The following DNAH12 variants were observed in gnomAD, a reference collection of about 807,000 sequenced individuals.
DNAH12 encodes axonemal beta dynein heavy chain 12.
A neutral mutation model predicts 371.5 loss-of-function variants in DNAH12; 285 were observed. The ratio of observed to expected loss-of-function variants is 0.77; its 90% CI spans 0.70 to 0.85. DNAH12 has a LOEUF of 0.85. Ranked by LOEUF, DNAH12 falls within the 40% of genes least tolerant of loss-of-function variation. The pLI is 0.00. For missense variants in DNAH12, 3,611 were observed against 3,689.4 expected (o/e 0.98, Z 0.55); for synonymous variants, 1,200 against 1,213.0 (o/e 0.99, Z 0.22).
chr3:57,374,246 A>T (rs1051174130), intron 55 of DNAH12, among the ~76,000 whole-genome samples: 6 of 152,178 alleles, frequency 3.9e-5, no homozygotes, highest in Non-Finnish European at 1.5e-5. Flanking sequence ...CATCTATAAA[A>T]TGGGATAATA....
chr3:57,421,711 T>C lies in DNAH12; in HGVS notation c.5374-5A>G, dbSNP rs1413266959. The C allele has an allele frequency of 6.4e-7, 1 of 1,551,356 alleles. No homozygotes were observed. The highest frequency in any genetic ancestry group is 1.4e-5 in the African/African-American group (1 of 72,986). Reference sequence around the variant, plus strand: ...CAAAGAGAATATAAAGCAAGCCTGTTGGTGGAGAAAAAATTTAACTTATAG... The same window carrying C: ...CAAAGAGAATATAAAGCAAGCCTGTCGGTGGAGAAAAAATTTAACTTATAG... On this transcript the variant is annotated splice_region_variant and splice_polypyrimidine_tract_variant and intron_variant, in intron 35 of 73. Transcript: ENST00000495027.
rs141291159 is a variant in DNAH12, at chr3:57,499,763, G to A, written c.1335+1558C>T. Reference sequence around the variant, plus strand: ...CTGAAGTGGAGGACTGCTTGAACCCGGGAGGTTAAGGCTGTAGTGAGCCAT... The same window carrying A: ...CTGAAGTGGAGGACTGCTTGAACCCAGGAGGTTAAGGCTGTAGTGAGCCAT... On this transcript the variant is annotated intron_variant, in intron 11 of 73. Transcript: ENST00000495027. Among the ~76,000 whole-genome samples the A allele has an allele frequency of 9.3e-3, 1,356 of 145,804 alleles. 28 individuals carry two copies. Among genetic ancestry groups the A allele is most frequent in the African/African-American group, 0.032 (1,258 of 39,662 alleles).
At chr3:57,352,453 A>G (rs1223286220) in intron 59 of DNAH12, among the ~76,000 whole-genome samples, 1 of 152,166 alleles carries the variant, frequency 6.6e-6, no homozygotes, top group African/African-American at 2.4e-5. Flanking sequence ...CTGGAGAAAC[A>G]AGATGAAGGG....
At chr3:57,338,014 T>C (rs1217117752) in intron 60 of DNAH12, among the ~76,000 whole-genome samples, 6 of 152,164 alleles carry the variant, frequency 3.9e-5, no homozygotes, top group Admixed American at 6.5e-5. Flanking sequence ...GCTCTCCCTC[T>C]CTCTCTCTTC....
intron 2 of DNAH12, among the ~76,000 whole-genome samples, chr3:57,534,357 G>A (rs149668530): frequency 1.6e-4 from 25 of 152,190 alleles, no homozygotes; most frequent in African/African-American, 5.5e-4. Flanking sequence ...TCTTATGAAG[G>A]TGTTTTTTTG....
chr3:57,433,273 A>G, intron 32 of DNAH12, 94 bp downstream of exon 32: 2 of 1,343,776 alleles, frequency 1.5e-6, no homozygotes, highest in Non-Finnish European at 9.6e-7. Flanking sequence ...TTATTTTTGC[A>G]TCCTTTATTT....
At chr3:57,359,564 AAAAAAAAAAAAAAAAAG>A (rs2062875991) in intron 58 of DNAH12, among the ~76,000 whole-genome samples, 2 of 150,314 alleles carry the variant, frequency 1.3e-5, no homozygotes, top group Admixed American at 1.3e-4. Context: ...CATCTCAAAA[AAAAAAAAAAAAAAAAAG>A]AAAGAAAGAA....
At position 57,322,987 on chromosome 3, in the gene DNAH12, C is replaced by G. The variant is rs141414840; in HGVS notation, c.10383+20G>C. 5.1e-4 allele frequency: 795 copies of G among 1,550,260 alleles called. 3 individuals carry two copies. The African/African-American group carries it at 9.5e-3, about 19-fold the overall frequency. On this transcript the variant is annotated intron_variant, in intron 64 of 73. Coordinates refer to ENST00000495027, the MANE Select transcript of DNAH12 (RefSeq NM_001366028.2). ...GATAGCTAAGTAAATGTACTTAACT[C>G]TATAAGGAAATAAACATACTTTTGA... is the stretch of plus-strand genomic sequence containing the variant.
intron 13 of DNAH12, among the ~76,000 whole-genome samples, chr3:57,472,922 T>C (rs1444746850): frequency 6.6e-6 from 1 of 152,170 alleles, no homozygotes; most frequent in African/African-American, 2.4e-5. Flanking sequence ...TCACTTACAG[T>C]TGATTTAGCA....
chr3:57,405,202 A>C, intron 41 of DNAH12, 55 bp from the exon 42 acceptor site: 1 of 1,436,350 alleles, frequency 7.0e-7, no homozygotes, highest in Non-Finnish European at 9.2e-7. Context: ...AAATAAATTT[A>C]AGAAAACAAA....
intron 69 of DNAH12, among the ~76,000 whole-genome samples, chr3:57,306,053 C>G (rs2061463112): frequency 6.6e-6 from 1 of 152,140 alleles, no homozygotes; most frequent in Non-Finnish European, 1.5e-5. Context: ...GAAAATCGGA[C>G]CGTTCAACTC....
chr3:57,404,860 T>A, intron 42 of DNAH12, 109 bp downstream of exon 42: 1 of 1,017,086 alleles, frequency 9.8e-7, no homozygotes, highest in Non-Finnish European at 1.3e-6. Flanking sequence ...GGATAATGGG[T>A]ACAAAGTCAT....
chr3:57,504,511 G>A (rs2067679372), intron 8 of DNAH12, among the ~76,000 whole-genome samples: 1 of 152,096 alleles, frequency 6.6e-6, no homozygotes, highest in Admixed American at 6.5e-5. Flanking sequence ...CCTGGGCTCA[G>A]GCAATCCTCC....
In DNAH12 at chr3:57,452,872, G is replaced by C. The variant is rs1286784127; in HGVS notation, c.3757C>G (p.Pro1253Ala). Reference sequence around the variant, plus strand: ...GTTCTGTAACACCTGTCAGTTAGAGGCGTAATGACAAGTCGAGGTGAGTTA... The same window carrying C: ...GTTCTGTAACACCTGTCAGTTAGAGCCGTAATGACAAGTCGAGGTGAGTTA... Reference protein sequence around the residue: ...LGNSPRLVITPLTDRCYRTLI... With the variant: ...LGNSPRLVITALTDRCYRTLI... Residue 1253 changes from proline to alanine, a missense_variant, in exon 25 of 74, where the codon CCT becomes GCT. This residue lies in a region of DNAH12 where 2,266 missense variants were observed against 2,236.9 expected (regional missense o/e 1.01). Transcript: ENST00000495027. 1 of 1,549,898 alleles carries C rather than the reference G, an allele frequency of 6.5e-7. No individual in the cohort carries two copies. The highest frequency in any genetic ancestry group is 1.4e-5 in the African/African-American group (1 of 72,968).
At chr3:57,389,244 C>A (rs1195576175) in intron 45 of DNAH12, among the ~76,000 whole-genome samples, 5 of 138,746 alleles carry the variant, frequency 3.6e-5, no homozygotes, top group South Asian at 2.4e-4. Flanking sequence ...AAAAAAAAAA[C>A]ATTACAGAGG....
intron 11 of DNAH12, among the ~76,000 whole-genome samples, chr3:57,497,031 T>C (rs950058631): frequency 6.6e-6 from 1 of 151,994 alleles, no homozygotes; most frequent in African/African-American, 2.4e-5. Context: ...AAGGGACAGA[T>C]TTAGGAAAAT....
At chr3:57,393,851 A>AT (rs2063683581) in intron 44 of DNAH12, among the ~76,000 whole-genome samples, 1 of 152,122 alleles carries the variant, frequency 6.6e-6, no homozygotes. Flanking sequence ...TAGCATTAAA[A>AT]TCATGTTTTC....
intron 43 of DNAH12, among the ~76,000 whole-genome samples, chr3:57,401,563 CAAAAA>C (rs71294714): frequency 1.5e-5 from 1 of 67,994 alleles, no homozygotes; most frequent in Non-Finnish European, 2.6e-5. Flanking sequence ...GACTCCATCT[CAAAAA>C]AAAAAAAAAA....
intron 32 of DNAH12, among the ~76,000 whole-genome samples, chr3:57,431,197 T>A (rs1486880930): frequency 6.7e-6 from 1 of 149,958 alleles, no homozygotes; most frequent in African/African-American, 2.5e-5. Context: ...ACTACTTCTA[T>A]TCCACCCCCA....
Sources: gnomAD v4.1 joint callset for allele counts (sites outside exome capture counted in the v4.1 genomes callset) on GRCh38, gnomAD v4.1.1 for gene constraint, gnomAD v4.1.1 regional missense constraint, MANE v1.5 for transcripts, NCBI Gene and HGNC (gene_info 2026-07-23, HGNC 2026-07-21) for gene names.